The following CDH12 variants were observed in gnomAD, a reference collection of about 807,000 sequenced individuals.
The protein encoded by CDH12 is cadherin 12.
CDH12 carries 41 observed loss-of-function variants against 74.1 expected under a neutral mutation model. That is an observed-to-expected ratio of 0.55 (90% CI 0.43 to 0.72). The LOEUF (loss-of-function observed/expected upper bound fraction) is 0.72, where lower values mean the gene tolerates loss of function less well. Ranked by LOEUF, CDH12 falls within the 30% of genes least tolerant of loss-of-function variation. The pLI, the probability that CDH12 is intolerant of heterozygous loss-of-function variation, is 0.00. For synonymous variants in CDH12, 399 were observed against 355.0 expected (o/e 1.12, Z -1.39); for missense variants, 945 against 977.2 (o/e 0.97, Z 0.44).
chr5:22,569,763 T>C (rs1182032270), intron 1 of CDH12, among the ~76,000 whole-genome samples: 3 of 152,194 alleles, frequency 2.0e-5, no homozygotes, highest in Non-Finnish European at 4.4e-5. Flanking sequence ...TCTAAACTTC[T>C]AACTCTAGTT....
intron 4 of CDH12, among the ~76,000 whole-genome samples, chr5:22,164,270 A>G (rs1297934737): frequency 6.6e-6 from 1 of 152,182 alleles, no homozygotes; most frequent in African/African-American, 2.4e-5. Flanking sequence ...TGAGTGTTAT[A>G]GCTCTATTAG....
chr5:21,898,007 A>G (rs906501952), intron 6 of CDH12, among the ~76,000 whole-genome samples: 5 of 152,144 alleles, frequency 3.3e-5, no homozygotes. Context: ...AATATTTCTG[A>G]TATTTTTATT....
intron 1 of CDH12, among the ~76,000 whole-genome samples, chr5:22,520,557 A>C (rs1441577162): frequency 6.6e-6 from 1 of 152,134 alleles, no homozygotes; most frequent in East Asian, 1.9e-4. Context: ...TTACTTATCC[A>C]ACCTGGCTTA....
intron 1 of CDH12, among the ~76,000 whole-genome samples, chr5:22,555,569 C>A (rs1357358724): frequency 2.0e-5 from 3 of 151,822 alleles, no homozygotes; most frequent in Admixed American, 6.6e-5. Context: ...TTTTTAGAAT[C>A]ATGGATTTTA....
intron 7 of CDH12, among the ~76,000 whole-genome samples, chr5:21,849,711 T>C (rs1041404378): frequency 2.0e-5 from 3 of 151,788 alleles, no homozygotes; most frequent in Non-Finnish European, 1.5e-5. Context: ...CAGTACCAAC[T>C]GAGGTGTCTT....
At chr5:22,089,234 A>T (rs1001620817) in intron 4 of CDH12, among the ~76,000 whole-genome samples, 1 of 152,194 alleles carries the variant, frequency 6.6e-6, no homozygotes, top group East Asian at 1.9e-4. Context: ...AAATAACAAC[A>T]ACCCCCAGGA....
At chr5:22,252,407 T>A (rs993412011) in intron 3 of CDH12, among the ~76,000 whole-genome samples, 4 of 151,920 alleles carry the variant, frequency 2.6e-5, no homozygotes, top group African/African-American at 9.7e-5. Flanking sequence ...AACAGCTAAG[T>A]AAGAGATTAG....
intron 1 of CDH12, among the ~76,000 whole-genome samples, chr5:22,661,300 T>A (rs1386564560): frequency 6.6e-6 from 1 of 152,174 alleles, no homozygotes; most frequent in Non-Finnish European, 1.5e-5. Context: ...CTTTATGATC[T>A]GGGTTGAATA....
At chr5:22,800,908 T>C (rs1748477225) in intron 1 of CDH12, among the ~76,000 whole-genome samples, 1 of 152,176 alleles carries the variant, frequency 6.6e-6, no homozygotes. Flanking sequence ...ACTATTCCAT[T>C]GTCTGATTGT....
intron 5 of CDH12, among the ~76,000 whole-genome samples, chr5:22,021,529 T>G (rs955958130): frequency 1.3e-5 from 2 of 152,238 alleles, no homozygotes; most frequent in Non-Finnish European, 2.9e-5. Context: ...TGGTTTGAAC[T>G]ATGATTTTTC....
chr5:22,093,789 A>C (rs2150241202), intron 4 of CDH12, among the ~76,000 whole-genome samples: 1 of 152,300 alleles, frequency 6.6e-6, no homozygotes, highest in East Asian at 1.9e-4. Context: ...TATCGCAATA[A>C]AGTTGTTTAA....
At chr5:22,290,799 A>G (rs749857713) in intron 3 of CDH12, among the ~76,000 whole-genome samples, 2 of 152,204 alleles carry the variant, frequency 1.3e-5, no homozygotes, top group African/African-American at 2.4e-5. Flanking sequence ...ACCAAGACTG[A>G]GTTATGAAGA....
rs1055199877 is a variant in CDH12, at chr5:21,830,199, C to CAAAA, written c.814+11958_814+11961dup. ...GGGTGACAACAGTGAAACTCCTTCT[C>CAAAA]AAAAAAAAAAAAAAAAAAAAAAAAA... On this transcript the variant is annotated intron_variant, in intron 8 of 14. Transcript: ENST00000382254. 9.8e-3 allele frequency among the ~76,000 whole-genome samples: 248 copies of CAAAA among 25,252 alleles called. 11 individuals carry two copies. The highest frequency in any genetic ancestry group is 0.011 in the Admixed American group (14 of 1,318). The allele number at this position is 25,252 out of a possible 152,430, so 16.6% of individuals were successfully genotyped here.
intron 4 of CDH12, among the ~76,000 whole-genome samples, chr5:22,150,389 T>C (rs976661205): frequency 9.2e-5 from 14 of 152,182 alleles, no homozygotes; most frequent in Admixed American, 2.0e-4. Context: ...TAATATAATA[T>C]CCTTATGGTT....
chr5:22,508,090 T>C (rs1303468320), intron 1 of CDH12, among the ~76,000 whole-genome samples: 1 of 152,294 alleles, frequency 6.6e-6, no homozygotes, highest in Non-Finnish European at 1.5e-5. Flanking sequence ...CGTTTTAAGA[T>C]CCTTTATTTA....
chr5:22,065,687 G>T (rs1741507482), intron 5 of CDH12, among the ~76,000 whole-genome samples: 2 of 152,102 alleles, frequency 1.3e-5, no homozygotes, highest in South Asian at 4.1e-4. Flanking sequence ...GCATCCCAGT[G>T]ATCACTCAGC....
At chr5:22,710,860 C>T (rs1580913574) in intron 1 of CDH12, among the ~76,000 whole-genome samples, 1 of 151,978 alleles carries the variant, frequency 6.6e-6, no homozygotes, top group South Asian at 2.1e-4. Context: ...AAAATAGATT[C>T]GTGATGACCT....
At chr5:22,131,930 T>TGGGC (rs1333151059) in intron 4 of CDH12, among the ~76,000 whole-genome samples, 6 of 152,072 alleles carry the variant, frequency 3.9e-5, no homozygotes, top group Non-Finnish European at 5.9e-5. Context: ...TACACAGCAG[T>TGGGC]GGGCATGATT....
intron 6 of CDH12, among the ~76,000 whole-genome samples, chr5:21,893,730 A>G (rs1752994972): frequency 6.6e-6 from 1 of 152,222 alleles, no homozygotes; most frequent in Non-Finnish European, 1.5e-5. Flanking sequence ...AGCAAGTGCA[A>G]CATTAAGAAT....
Sources: allele counts gnomAD v4.1 joint callset (sites outside exome capture counted in the v4.1 genomes callset), GRCh38; gene constraint gnomAD v4.1.1; transcripts MANE v1.5; gene names NCBI Gene and HGNC (gene_info 2026-07-23, HGNC 2026-07-21).